Variants in NECAB1 observed in about 807,000 individuals in gnomAD.
NECAB1 encodes the protein N-terminal EF-hand calcium-binding protein 1.
NECAB1 carries 29 observed loss-of-function variants against 57.5 expected under a neutral mutation model. That is an observed-to-expected ratio of 0.50 (90% CI 0.38 to 0.69). NECAB1 has a LOEUF of 0.69. NECAB1 is among the 30% of genes least tolerant of loss of function. The pLI, the probability that NECAB1 is intolerant of heterozygous loss-of-function variation, is 0.00. For missense variants in NECAB1, 372 were observed against 413.8 expected (o/e 0.90, Z 0.88); for synonymous variants, 142 against 147.7 (o/e 0.96, Z 0.28).
rs548935200 is a variant in NECAB1 at position 90,868,648 on chromosome 8, T to G, written c.234-3480T>G. 9.8e-5 allele frequency among the ~76,000 whole-genome samples: 15 copies of G among 152,324 alleles called. 1 individual carries two copies. The South Asian group carries it at 2.7e-3, about 27-fold the overall frequency. On this transcript the variant is annotated intron_variant, in intron 3 of 12. Transcript: ENST00000417640. ...TTTCTAAGCAGCAAAGCATTCAAGA[T>G]GTGGCCTGGTTGCTTCGAACAGCAT...
At chr8:90,863,013 A>G (rs984631085) in intron 3 of NECAB1, among the ~76,000 whole-genome samples, 1 of 152,086 alleles carries the variant, frequency 6.6e-6, no homozygotes, top group Non-Finnish European at 1.5e-5. Flanking sequence ...CAGTAACATC[A>G]GTATATGTAA....
chr8:90,896,153 C>G (rs778586756), intron 5 of NECAB1, among the ~76,000 whole-genome samples: 3 of 152,174 alleles, frequency 2.0e-5, no homozygotes, highest in South Asian at 2.1e-4. Context: ...ACTAAAACCT[C>G]CCTTAGCTAT....
intron 4 of NECAB1, among the ~76,000 whole-genome samples, chr8:90,879,698 A>G (rs907387305): frequency 7.2e-5 from 11 of 152,172 alleles, no homozygotes; most frequent in Non-Finnish European, 1.3e-4. Context: ...ATTTGTTATA[A>G]ATAATTGCAC....
chr8:90,940,517 G>A (rs552359377), intron 9 of NECAB1: 330 of 343,060 alleles, frequency 9.6e-4, no homozygotes, highest in Non-Finnish European at 1.5e-3. Context: ...AAAACTTCTC[G>A]AGTCATTGAG....
chr8:90,953,607 A>T (rs1264253541), intron 12 of NECAB1, among the ~76,000 whole-genome samples: 1 of 152,236 alleles, frequency 6.6e-6, no homozygotes, highest in African/African-American at 2.4e-5. Flanking sequence ...TTATTGGGAC[A>T]TCCCACCTTA....
At chr8:90,841,128 C>T (rs1812447625) in intron 3 of NECAB1, among the ~76,000 whole-genome samples, 1 of 151,720 alleles carries the variant, frequency 6.6e-6, no homozygotes, top group South Asian at 2.1e-4. Context: ...GGCATGGTGG[C>T]AGGCGCCTGT....
intron 5 of NECAB1, among the ~76,000 whole-genome samples, chr8:90,888,407 A>G (rs1809064545): frequency 6.6e-6 from 1 of 152,242 alleles, no homozygotes; most frequent in Non-Finnish European, 1.5e-5. Context: ...TAATGCAGAC[A>G]TTCATGGGGG....
At chr8:90,946,972 G>T (rs1349562013) in intron 10 of NECAB1, among the ~76,000 whole-genome samples, 1 of 152,152 alleles carries the variant, frequency 6.6e-6, no homozygotes, top group Non-Finnish European at 1.5e-5. Flanking sequence ...GGAGGCAATG[G>T]ACAGTGTAGC....
intron 3 of NECAB1, among the ~76,000 whole-genome samples, chr8:90,838,610 A>G (rs1036816935): frequency 2.6e-5 from 4 of 152,214 alleles, no homozygotes; most frequent in African/African-American, 9.6e-5. Flanking sequence ...CATAAGGTGC[A>G]CATCTTTGGA....
intron 5 of NECAB1, 120 bp from the exon 6 acceptor site, chr8:90,917,372 C>G: frequency 1.2e-6 from 1 of 813,694 alleles, no homozygotes. Flanking sequence ...TTTCCCTTCT[C>G]TCCACCCTCT....
intron 10 of NECAB1, among the ~76,000 whole-genome samples, chr8:90,949,210 G>C (rs978592884): frequency 6.6e-6 from 1 of 151,478 alleles, no homozygotes; most frequent in Admixed American, 6.6e-5. Flanking sequence ...GAGGGAGAGA[G>C]AGTTTGAAAG....
intron 5 of NECAB1, among the ~76,000 whole-genome samples, chr8:90,906,876 CATATATATATATAT>C (rs57808023): frequency 3.1e-4 from 38 of 121,766 alleles, no homozygotes; most frequent in Non-Finnish European, 3.2e-4. Context: ...ATGATATACA[CATATATATATATAT>C]ATATATATAT....
chr8:90,825,899 G>A lies in NECAB1; in HGVS notation c.233+1074G>A, dbSNP rs147361816. On this transcript the variant is annotated intron_variant, in intron 3 of 12. Transcript: ENST00000417640. ...ATCAAGTCCATAGTAGGTATTGGTG[G>A]TACAACATGGAACCAGCTTATGGTT... Among the ~76,000 whole-genome samples the A allele has an allele frequency of 4.8e-3, 731 of 151,826 alleles. 8 individuals carry two copies. Among genetic ancestry groups the A allele is most frequent in the African/African-American group, 0.016 (682 of 41,478 alleles).
chr8:90,946,521 T>G (rs1810807662), intron 10 of NECAB1, among the ~76,000 whole-genome samples: 1 of 152,220 alleles, frequency 6.6e-6, no homozygotes, highest in Non-Finnish European at 1.5e-5. Context: ...GTAAGCACAG[T>G]AACAGTCATT....
At chr8:90,801,570 AAACG>A in intron 1 of NECAB1, 117 bp from the exon 2 acceptor site, 1 of 694,906 alleles carries the variant, frequency 1.4e-6, no homozygotes, top group Non-Finnish European at 2.4e-6. Flanking sequence ...CTCAATTGGG[AAACG>A]CTTACTTAAA....
rs796856654 is a variant in NECAB1 at position 90,955,899 on chromosome 8, A to G, written c.*387A>G. 2.9e-5 allele frequency: 5 copies of G among 169,676 alleles called. No individual in the cohort carries two copies. The highest frequency in any genetic ancestry group is 1.2e-4 in the African/African-American group (5 of 42,028). 10.5% of individuals were successfully genotyped at this position (169,676 alleles called of 1,614,324 possible). A position where few individuals can be genotyped will look rare whatever the true frequency, so the allele number is the denominator to read the frequency against. ...TATTACTTCATAGGGCAGATTTTGT[A>G]AACTGTCGTATACTGTAAAGGGTTA... On this transcript the variant is annotated 3_prime_UTR_variant, in exon 13 of 13. Transcript: ENST00000417640.
chr8:90,866,794 C>A (rs1808523448), intron 3 of NECAB1, among the ~76,000 whole-genome samples: 2 of 152,172 alleles, frequency 1.3e-5, no homozygotes, highest in Admixed American at 1.3e-4. Flanking sequence ...AACACTTTTA[C>A]ACTGTCGGTG....
Position 90,829,135 on chromosome 8 carries a change from T to C in NECAB1, c.233+4310T>C, listed in dbSNP as rs1283514183. 2.6e-5 allele frequency among the ~76,000 whole-genome samples: 4 copies of C among 152,176 alleles called. No homozygotes were observed. In the South Asian group the frequency reaches 6.2e-4, roughly 24 times the overall value. ...TTAAACTCACGTTTTTCTCAACTTT[T>C]ATAAAGTTACTCTTCAGAAAAGATA... On this transcript the variant is annotated intron_variant, in intron 3 of 12. Transcript: ENST00000417640.
intron 5 of NECAB1, among the ~76,000 whole-genome samples, chr8:90,913,651 T>G (rs898541379): frequency 4.6e-5 from 7 of 152,234 alleles, no homozygotes; most frequent in Admixed American, 3.9e-4. Flanking sequence ...AATCTCTTTT[T>G]GTACCTTCGC....
Sources: allele counts gnomAD v4.1 joint callset (sites outside exome capture counted in the v4.1 genomes callset), GRCh38; gene constraint gnomAD v4.1.1; transcripts MANE v1.5; gene names NCBI Gene and HGNC (gene_info 2026-07-23, HGNC 2026-07-21).